Variants in RAPH1 observed in about 807,000 individuals in gnomAD.
The protein encoded by RAPH1 is ras-associated and pleckstrin homology domains-containing protein 1.
A neutral mutation model predicts 88.1 loss-of-function variants in RAPH1; 18 were observed. That is an observed-to-expected ratio of 0.20 (90% confidence interval 0.14 to 0.30). The LOEUF (loss-of-function observed/expected upper bound fraction) is 0.30. Ranked by LOEUF, RAPH1 falls within the 10% of genes least tolerant of loss-of-function variation. The pLI is 1.00. For synonymous variants in RAPH1, 587 were observed against 559.0 expected (o/e 1.05, Z -0.71); for missense variants, 1,448 against 1,543.2 (o/e 0.94, Z 1.03).
chr2:203,529,172 G>T (rs1405009402), intron 1 of RAPH1, among the ~76,000 whole-genome samples: 1 of 151,278 alleles, frequency 6.6e-6, no homozygotes, highest in Non-Finnish European at 1.5e-5. Flanking sequence ...TAGAGACAGG[G>T]TTTTGCCATG....
At chr2:203,518,670 A>AC (rs1689727717) in intron 1 of RAPH1, among the ~76,000 whole-genome samples, 1 of 152,032 alleles carries the variant, frequency 6.6e-6, no homozygotes, top group Non-Finnish European at 1.5e-5. Flanking sequence ...ACATAGCAGG[A>AC]CCCCCTTCTC....
At position 203,440,618 on chromosome 2, in the gene RAPH1, C is replaced by G. The variant is rs1235903920; in HGVS notation, c.2572G>C (p.Val858Leu). 1.9e-6 allele frequency: 3 copies of G among 1,546,262 alleles called. No homozygotes were observed. The highest frequency in any genetic ancestry group is 2.6e-6 in the Non-Finnish European group (3 of 1,146,420). Reference sequence around the variant, plus strand: ...GCTATCTGCTTCACGACCGAGGGCACCGGTGACAGTGGAGAGGGAGGGGGT... The same window carrying G: ...GCTATCTGCTTCACGACCGAGGGCAGCGGTGACAGTGGAGAGGGAGGGGGT... ...AKPPPSPLSP[V>L]PSVVKQIASQ... is the part of the protein sequence containing the mutation. The change falls in exon 14 of 14, where the codon GTG becomes CTG. Residue 858 changes from valine to leucine, a missense_variant. Around this residue, in one of 2 missense-constraint regions of RAPH1, gnomAD observed 935 missense variants for 890.1 expected, o/e 1.05. Coordinates refer to ENST00000319170, the MANE Select transcript of RAPH1 (RefSeq NM_213589.3).
intron 4 of RAPH1, chr2:203,470,242 G>C: frequency 5.6e-6 from 9 of 1,608,542 alleles, no homozygotes; most frequent in Non-Finnish European, 7.7e-6. Context: ...GTATCACCTT[G>C]GTCAGCAAAT....
At chr2:203,529,005 A>ATTTTTTTTTTTT (rs66832810) in intron 1 of RAPH1, among the ~76,000 whole-genome samples, 2 of 41,154 alleles carry the variant, frequency 4.9e-5, no homozygotes, top group African/African-American at 2.4e-4. Context: ...ATATATATAT[A>ATTTTTTTTTTTT]TTTTTTTTTT....
Position 203,441,921 on chromosome 2 carries a change from T to C in RAPH1, c.1777-508A>G, listed in dbSNP as rs1017278942. On this transcript the variant is annotated intron_variant, in intron 13 of 13. Coordinates refer to ENST00000319170, the MANE Select transcript of RAPH1 (RefSeq NM_213589.3). ...GGATGGCTTTTTGATGCTAGTAAGC[T>C]GACACAGGAGAGTATGAGAATGTTG... 4 of 1,355,038 alleles carry C rather than the reference T, an allele frequency of 3.0e-6. No homozygotes were observed. In the African/African-American group the frequency reaches 6.1e-5, roughly 21 times the overall value. The allele number at this position is 1,355,038 out of a possible 1,614,324, so 83.9% of individuals were successfully genotyped here.
At chr2:203,475,675 T>C (rs1247919934) in intron 4 of RAPH1, among the ~76,000 whole-genome samples, 1 of 151,904 alleles carries the variant, frequency 6.6e-6, no homozygotes, top group Non-Finnish European at 1.5e-5. Context: ...TATGTCATTA[T>C]CTGCTATCAC....
At chr2:203,522,797 GA>G (rs1421467594) in intron 1 of RAPH1, among the ~76,000 whole-genome samples, 1 of 151,278 alleles carries the variant, frequency 6.6e-6, no homozygotes, top group African/African-American at 2.4e-5. Flanking sequence ...AGCTACTCGG[GA>G]GGCTGAGGTG....
chr2:203,438,412 A>G lies in RAPH1; in HGVS notation c.*1025T>C, dbSNP rs570836884. On this transcript the variant is annotated 3_prime_UTR_variant, in exon 14 of 14. Coordinates refer to ENST00000319170, the MANE Select transcript of RAPH1 (RefSeq NM_213589.3). ...ATAATGCACCATATTGGGGCACAGG[A>G]TGTGTATATTTCATATACCAATTGT... 7 of 342,096 alleles carry G rather than the reference A, an allele frequency of 2.0e-5. No homozygotes were observed. The highest frequency in any genetic ancestry group is 4.0e-5 in the Non-Finnish European group (7 of 173,454). 21.2% of individuals were successfully genotyped at this position (342,096 alleles called of 1,614,324 possible). A position where few individuals can be genotyped will look rare whatever the true frequency, so the allele number is the denominator to read the frequency against.
At chr2:203,533,713 C>A (rs954141062) in intron 1 of RAPH1, among the ~76,000 whole-genome samples, 3 of 152,080 alleles carry the variant, frequency 2.0e-5, no homozygotes, top group Non-Finnish European at 4.4e-5. Flanking sequence ...ATTACACTTA[C>A]CTACATTCAC....
intron 1 of RAPH1, among the ~76,000 whole-genome samples, chr2:203,522,291 A>G (rs1208788801): frequency 6.6e-6 from 1 of 152,254 alleles, no homozygotes; most frequent in Non-Finnish European, 1.5e-5. Context: ...ATCTCGATTT[A>G]TATCATAAAA....
rs2153632333 is a variant in RAPH1, at chr2:203,438,739, A to T, written c.*698T>A. 6.5e-6 allele frequency: 1 copy of T among 154,814 alleles called. No individual in the cohort carries two copies. Among genetic ancestry groups the T allele is most frequent in the African/African-American group, 2.4e-5 (1 of 41,588 alleles). The allele number at this position is 154,814 out of a possible 1,614,324, so 9.6% of individuals were successfully genotyped here. A position where few individuals can be genotyped will look rare whatever the true frequency, so the allele number is the denominator to read the frequency against. ...TGCAGCTAGAACAGCTGAGTTAATT[A>T]CGCCATGTATTTACTTTCTATGCAC... On this transcript the variant is annotated 3_prime_UTR_variant, in exon 14 of 14. Transcript: ENST00000319170.
chr2:203,460,050 G>A (rs2256340), intron 6 of RAPH1, 22 bp from the exon 7 acceptor site: 81,102 of 1,585,544 alleles, frequency 0.051, 4,260 homozygotes, highest in African/African-American at 0.27. Context: ...TAAAATATCC[G>A]TATTTTGTTA....
At chr2:203,453,113 ACTCT>A (rs2098516214) in intron 10 of RAPH1, among the ~76,000 whole-genome samples, 1 of 152,118 alleles carries the variant, frequency 6.6e-6, no homozygotes, top group Non-Finnish European at 1.5e-5. Context: ...TTAGGGACTG[ACTCT>A]CAGGAGACTG....
Position 203,506,733 on chromosome 2 carries a change from GATATATATCTATATATATATATATCTAT to G in RAPH1, c.1-11408_1-11381del, listed in dbSNP as rs1355621812. Among the ~76,000 whole-genome samples the G allele has an allele frequency of 2.1e-3, 225 of 106,236 alleles. 23 individuals are homozygous for G. Among genetic ancestry groups the G allele is most frequent in the African/African-American group, 0.012 (212 of 17,408 alleles). 69.7% of individuals were successfully genotyped at this position (106,236 alleles called of 152,430 possible). ...ATCCACTGACTAAAATCCATATATA[GATATATATCTATATATATATATATCTAT>G]ATATATATCTATATATATCTAGATA... On this transcript the variant is annotated intron_variant, in intron 1 of 13. Transcript: ENST00000319170.
intron 1 of RAPH1, among the ~76,000 whole-genome samples, chr2:203,504,289 ATCT>A (rs1688876477): frequency 6.6e-6 from 1 of 152,154 alleles, no homozygotes. Flanking sequence ...GTTTCTATAC[ATCT>A]TCTGAAATCT....
At position 203,489,765 on chromosome 2, in the gene RAPH1, G is replaced by A. The variant is rs770153319; in HGVS notation, c.551C>T (p.Thr184Ile). 29 of 1,614,164 alleles carry A rather than the reference G, an allele frequency of 1.8e-5. No individual in the cohort carries two copies. In the South Asian group the frequency reaches 2.7e-4, roughly 15 times the overall value. ...TGACGCGGTTCTTCTGTGCTGATTA[G>A]TTACTAAGGGTTTAGTATCTTCTAG... ...SVLEDTKPLVTNQHRRTASAG... is the reference protein window; with the variant it reads ...SVLEDTKPLVINQHRRTASAG... The change falls in exon 4 of 14, where the codon ACT (threonine) becomes ATT (isoleucine). Residue 184 changes from threonine (T) to isoleucine (I), a missense_variant. By Grantham distance (89) the Thr-to-Ile change is moderately conservative (BLOSUM62 -1). Around this residue, in one of 2 missense-constraint regions of RAPH1, gnomAD observed 513 missense variants for 653.1 expected, o/e 0.79. Coordinates refer to ENST00000319170, the MANE Select transcript of RAPH1 (RefSeq NM_213589.3).
intron 1 of RAPH1, among the ~76,000 whole-genome samples, chr2:203,508,221 C>CA (rs768340713): frequency 0.085 from 4,913 of 57,684 alleles, 179 homozygotes; most frequent in East Asian, 0.2. Context: ...GACTCTGTCT[C>CA]AAAAAAAAAA....
At chr2:203,526,451 G>A (rs1487733697) in intron 1 of RAPH1, among the ~76,000 whole-genome samples, 2 of 152,054 alleles carry the variant, frequency 1.3e-5, no homozygotes, top group African/African-American at 2.4e-5. Flanking sequence ...CTGGCCAGGC[G>A]AGATGGCTCA....
chr2:203,470,640 C>T (rs1346654871), intron 4 of RAPH1, among the ~76,000 whole-genome samples: 2 of 152,222 alleles, frequency 1.3e-5, no homozygotes, highest in African/African-American at 4.8e-5. Flanking sequence ...ATGCTGTGCA[C>T]AGCACACAAA....
Sources: gnomAD v4.1 joint callset for allele counts (sites outside exome capture counted in the v4.1 genomes callset) on GRCh38, gnomAD v4.1.1 for gene constraint, gnomAD v4.1.1 regional missense constraint, MANE v1.5 for transcripts, NCBI Gene and HGNC (gene_info 2026-07-23, HGNC 2026-07-21) for gene names.